The following NDUFS4 variants were observed in gnomAD, a reference collection of about 807,000 sequenced individuals.
The protein encoded by NDUFS4 is NADH dehydrogenase [ubiquinone] iron-sulfur protein 4, mitochondrial.
In NDUFS4, 28 loss-of-function variants were observed where a neutral mutation model predicts 24.3. The ratio of observed to expected loss-of-function variants is 1.15; its 90% CI spans 0.85 to 1.58. The LOEUF is 1.58. Among genes scored for constraint, NDUFS4 ranks in the 40% most tolerant of loss-of-function variants. The pLI is 0.00. For synonymous variants in NDUFS4, 93 were observed against 69.7 expected (o/e 1.34, Z -1.67); for missense variants, 223 against 207.9 (o/e 1.07, Z -0.45).
chr5:53,595,227 G>A (rs145938334), intron 1 of NDUFS4, among the ~76,000 whole-genome samples: 2 of 151,914 alleles, frequency 1.3e-5, no homozygotes, highest in Non-Finnish European at 2.9e-5. Context: ...AAATTTCCTT[G>A]GTTATTTTTT....
chr5:53,647,318 G>T (rs893417500), intron 3 of NDUFS4, among the ~76,000 whole-genome samples: 3 of 151,986 alleles, frequency 2.0e-5, no homozygotes, highest in Non-Finnish European at 4.4e-5. Context: ...ATGATCAAGC[G>T]GTCCTCCCAC....
intron 4 of NDUFS4, among the ~76,000 whole-genome samples, chr5:53,665,064 C>A (rs1015743838): frequency 1.3e-5 from 2 of 152,194 alleles, no homozygotes; most frequent in Non-Finnish European, 2.9e-5. Flanking sequence ...CCCTCAGCTG[C>A]AGGTCTGTTG....
intron 4 of NDUFS4, among the ~76,000 whole-genome samples, chr5:53,665,908 C>G (rs1203963386): frequency 6.6e-6 from 1 of 152,242 alleles, no homozygotes; most frequent in African/African-American, 2.4e-5. Context: ...CACCCGTCTT[C>G]TGCGTCGCTT....
At chr5:53,681,983 CTTAA>C (rs1054795131) in intron 4 of NDUFS4, among the ~76,000 whole-genome samples, 90 of 97,302 alleles carry the variant, frequency 9.2e-4, no homozygotes, top group African/African-American at 4.2e-3. Flanking sequence ...AAGAGGCTCA[CTTAA>C]TTAGACTATA....
intron 4 of NDUFS4, among the ~76,000 whole-genome samples, chr5:53,670,936 G>A (rs1292703597): frequency 2.0e-5 from 3 of 151,116 alleles, no homozygotes; most frequent in Admixed American, 2.0e-4. Context: ...AGACTATAGA[G>A]TATCTCTAGA....
At position 53,591,463 on chromosome 5, in the gene NDUFS4, G is replaced by GC. The variant is rs900138429; in HGVS notation, c.99-11989_99-11988insC. Among the ~76,000 whole-genome samples, 71 of 45,174 alleles carry GC rather than the reference G, an allele frequency of 1.6e-3. 2 individuals are homozygous for GC. The highest frequency in any genetic ancestry group is 4.6e-3 in the African/African-American group (68 of 14,842). 29.6% of individuals were successfully genotyped at this position (45,174 alleles called of 152,430 possible). A position where few individuals can be genotyped will look rare whatever the true frequency, so the allele number is the denominator to read the frequency against. ...TGCTACTTTTTGTTTGTTTTTTTTG[G>GC]GGGGGGGGGGTGATAATAACTATCG... On this transcript the variant is annotated intron_variant, in intron 1 of 4. Coordinates refer to ENST00000296684, the MANE Select transcript of NDUFS4 (RefSeq NM_002495.4).
intron 1 of NDUFS4, among the ~76,000 whole-genome samples, chr5:53,591,468 G>GGA (rs1236372764): frequency 7.5e-6 from 1 of 133,414 alleles, no homozygotes; most frequent in Non-Finnish European, 1.6e-5. Flanking sequence ...TTTTGGGGGG[G>GGA]GGGGGTGATA....
intron 3 of NDUFS4, among the ~76,000 whole-genome samples, chr5:53,653,909 C>T (rs778263186): frequency 8.6e-5 from 13 of 152,004 alleles, no homozygotes; most frequent in Non-Finnish European, 1.2e-4. Context: ...GTTGATTTTG[C>T]ATATAAGCCA....
At chr5:53,681,960 A>G (rs1740679498) in intron 4 of NDUFS4, among the ~76,000 whole-genome samples, 1 of 149,990 alleles carries the variant, frequency 6.7e-6, no homozygotes, top group African/African-American at 2.5e-5. Flanking sequence ...AAAGTACTAT[A>G]CTTACCGAGA....
intron 2 of NDUFS4, among the ~76,000 whole-genome samples, chr5:53,632,636 T>C (rs542735847): frequency 1.3e-5 from 2 of 152,278 alleles, no homozygotes; most frequent in African/African-American, 4.8e-5. Flanking sequence ...TTCTGTACCA[T>C]AGTCTGATAT....
chr5:53,654,603 G>A (rs1397623213), intron 3 of NDUFS4, among the ~76,000 whole-genome samples: 2 of 151,990 alleles, frequency 1.3e-5, no homozygotes, highest in East Asian at 3.9e-4. Context: ...TCTGAATGGT[G>A]CTAATCAAAC....
At chr5:53,635,742 C>T (rs146108001) in intron 2 of NDUFS4, among the ~76,000 whole-genome samples, 108 of 152,172 alleles carry the variant, frequency 7.1e-4, no homozygotes, top group African/African-American at 2.4e-3. Flanking sequence ...TATTTTTCAA[C>T]GATTTCAGTT....
At chr5:53,662,682 T>G (rs999408215) in intron 4 of NDUFS4, among the ~76,000 whole-genome samples, 5 of 152,204 alleles carry the variant, frequency 3.3e-5, no homozygotes, top group Non-Finnish European at 5.9e-5. Context: ...AGCCTGTTAT[T>G]GGTCTATTTA....
chr5:53,588,393 A>G (rs949773742), intron 1 of NDUFS4, among the ~76,000 whole-genome samples: 1 of 152,114 alleles, frequency 6.6e-6, no homozygotes, highest in Non-Finnish European at 1.5e-5. Context: ...TTACTTAACT[A>G]GTTATTTAAT....
chr5:53,560,790 C>T lies in NDUFS4; in HGVS notation c.98+30C>T, dbSNP rs181561750. On this transcript the variant is annotated intron_variant, in intron 1 of 4. Coordinates refer to ENST00000296684, the MANE Select transcript of NDUFS4 (RefSeq NM_002495.4). ...TAGAATTTTCACACTTTTCTTCAAGCTTCTTGGGTCCCTCCATTTTTGCGG... is the reference window on the plus strand; with the variant it reads ...TAGAATTTTCACACTTTTCTTCAAGTTTCTTGGGTCCCTCCATTTTTGCGG... 12 of 1,613,764 alleles carry T rather than the reference C, an allele frequency of 7.4e-6. No homozygotes were observed. In the East Asian group the frequency reaches 2.5e-4, roughly 33 times the overall value.
intron 3 of NDUFS4, among the ~76,000 whole-genome samples, chr5:53,649,100 C>T (rs1751944894): frequency 6.6e-6 from 1 of 152,158 alleles, no homozygotes; most frequent in Admixed American, 6.5e-5. Context: ...TCTATATTTT[C>T]TTTCTATCTT....
intron 1 of NDUFS4, chr5:53,573,475 C>A: frequency 5.8e-6 from 2 of 342,732 alleles, no homozygotes; most frequent in South Asian, 2.4e-5. Context: ...TTTATCTAAT[C>A]AGTGTTGTAG....
intron 1 of NDUFS4, among the ~76,000 whole-genome samples, chr5:53,568,981 T>C (rs1749129033): frequency 6.6e-6 from 1 of 152,184 alleles, no homozygotes; most frequent in African/African-American, 2.4e-5. Flanking sequence ...CATAAGTAAA[T>C]GGTCCTTGAA....
chr5:53,565,892 G>T (rs1334244274), intron 1 of NDUFS4, among the ~76,000 whole-genome samples: 1 of 152,094 alleles, frequency 6.6e-6, no homozygotes, highest in Non-Finnish European at 1.5e-5. Context: ...TCAGTAATAC[G>T]GCCGGGTGCG....
Sources: allele counts gnomAD v4.1 joint callset (sites outside exome capture counted in the v4.1 genomes callset), GRCh38; gene constraint gnomAD v4.1.1; transcripts MANE v1.5; gene names NCBI Gene and HGNC (gene_info 2026-07-23, HGNC 2026-07-21).